Variants in SYNE2 observed in about 807,000 individuals in gnomAD.
SYNE2 encodes spectrin repeat containing nuclear envelope protein 2.
In SYNE2, 431 loss-of-function variants were observed where a neutral mutation model predicts 856.3. The ratio of observed to expected loss-of-function variants is 0.50; its 90% confidence interval spans 0.47 to 0.55. SYNE2 has a LOEUF of 0.55. SYNE2 is among the 20% of genes least tolerant of loss of function. SYNE2 has a pLI of 0.00. For missense variants in SYNE2, 8,129 were observed against 8,023.2 expected (o/e 1.01, Z -0.50); for synonymous variants, 2,923 against 2,872.3 (o/e 1.02, Z -0.56).
intron 33 of SYNE2, among the ~76,000 whole-genome samples, chr14:64,017,203 C>T (rs907912237): frequency 6.6e-6 from 1 of 151,634 alleles, no homozygotes; most frequent in Non-Finnish European, 1.5e-5. Context: ...GTGGTGCATG[C>T]CTGTAATCTC....
intron 1 of SYNE2, among the ~76,000 whole-genome samples, chr14:63,862,235 T>C (rs1418987939): frequency 6.6e-6 from 1 of 152,210 alleles, no homozygotes. Flanking sequence ...AAAACAACAG[T>C]TGGACACATG....
chr14:63,787,728 G>A (rs1336219475), intron 1 of SYNE2, among the ~76,000 whole-genome samples: 3 of 152,154 alleles, frequency 2.0e-5, no homozygotes, highest in Non-Finnish European at 4.4e-5. Context: ...TATGGACCTC[G>A]GAGAGGACAA....
intron 1 of SYNE2, among the ~76,000 whole-genome samples, chr14:63,905,627 T>A (rs539390341): frequency 9.8e-5 from 15 of 152,344 alleles, no homozygotes; most frequent in African/African-American, 3.1e-4. Flanking sequence ...GAAATGTTAC[T>A]AATTTTTGTA....
At chr14:63,942,188 T>A in intron 6 of SYNE2, 45 bp downstream of exon 6, 1 of 1,185,326 alleles carries the variant, frequency 8.4e-7, no homozygotes, top group Non-Finnish European at 1.3e-6. Context: ...CCTACCACAG[T>A]ATAAAATAAA....
chr14:64,213,356 T>G (rs916178678), intron 105 of SYNE2, among the ~76,000 whole-genome samples: 4 of 152,182 alleles, frequency 2.6e-5, no homozygotes, highest in Admixed American at 6.5e-5. Context: ...AGGAATGTAT[T>G]TGCCCTTCCC....
At chr14:64,153,848 GGAATT>G (rs2098265148) in intron 85 of SYNE2, among the ~76,000 whole-genome samples, 1 of 152,136 alleles carries the variant, frequency 6.6e-6, no homozygotes, top group African/African-American at 2.4e-5. Context: ...TACTTGGAAT[GGAATT>G]GAGAGTCCAG....
chr14:63,819,748 G>T (rs933980515), intron 1 of SYNE2, among the ~76,000 whole-genome samples: 1 of 151,974 alleles, frequency 6.6e-6, no homozygotes, highest in Non-Finnish European at 1.5e-5. Context: ...GTGTTAGCCA[G>T]GATGGTCTCG....
At chr14:63,765,791 C>A (rs1012254071) in intron 1 of SYNE2, among the ~76,000 whole-genome samples, 2 of 144,698 alleles carry the variant, frequency 1.4e-5, no homozygotes. Flanking sequence ...AGGATTGCTG[C>A]GAAACATTAA....
In SYNE2 at chr14:64,051,889, G is replaced by C. The variant is rs199561218; in HGVS notation, c.7976G>C (p.Arg2659Pro). The stretch of plus-strand genomic sequence containing the variant: ...TTAAGGCTGAAGTCTCCAGAAGAAC[G>C]GGCAGGGAACCAAAGCATGATTGCC... Reference protein sequence around the residue: ...LQLRLKSPEERAGNQSMIALT... With the variant: ...LQLRLKSPEEPAGNQSMIALT... Residue 2659 changes from arginine (R) to proline (P), a missense_variant, in exon 48 of 116, where the codon CGG (arginine) becomes CCG (proline). Arg to Pro is a moderately radical substitution (Grantham distance 103). Transcript: ENST00000555002. 33 of 1,613,882 alleles carry C rather than the reference G, an allele frequency of 2.0e-5. No homozygotes were observed. In the South Asian group the frequency reaches 3.5e-4, roughly 17 times the overall value.
At chr14:63,861,857 T>G (rs1893832282) in intron 1 of SYNE2, among the ~76,000 whole-genome samples, 1 of 152,240 alleles carries the variant, frequency 6.6e-6, no homozygotes, top group African/African-American at 2.4e-5. Context: ...GATACAGTTA[T>G]GTTTGACAGT....
chr14:64,192,858 A>G (rs1345532292), intron 99 of SYNE2, among the ~76,000 whole-genome samples: 3 of 152,184 alleles, frequency 2.0e-5, no homozygotes, highest in South Asian at 2.1e-4. Flanking sequence ...TCCCTTCAGC[A>G]CTAAGGAATT....
intron 1 of SYNE2, among the ~76,000 whole-genome samples, chr14:63,762,922 C>T (rs1886542472): frequency 6.6e-6 from 1 of 152,150 alleles, no homozygotes; most frequent in Non-Finnish European, 1.5e-5. Flanking sequence ...ATTTTCTTTA[C>T]TTTTTCTAAT....
intron 107 of SYNE2, 106 bp downstream of exon 107, chr14:64,215,460 C>A (rs2098661819): frequency 3.6e-6 from 4 of 1,105,460 alleles, no homozygotes; most frequent in Non-Finnish European, 5.5e-6. Flanking sequence ...CTGTGGACAC[C>A]ATGCGCCTTG....
chr14:64,186,057 G>T (rs948961466), intron 96 of SYNE2, among the ~76,000 whole-genome samples: 1 of 152,094 alleles, frequency 6.6e-6, no homozygotes, highest in Non-Finnish European at 1.5e-5. Flanking sequence ...CTGAAATGTA[G>T]TTTCAGGATT....
Position 64,081,318 on chromosome 14 carries a change from A to C in SYNE2, c.11347-125A>C. Reference sequence around the variant, plus strand: ...AGCAGGTGAATAAGTAGCCCCAGCCATGGGGAGCAGACATCTGCAAGGCCT... The same window carrying C: ...AGCAGGTGAATAAGTAGCCCCAGCCCTGGGGAGCAGACATCTGCAAGGCCT... On this transcript the variant is annotated intron_variant, in intron 56 of 115. Transcript: ENST00000555002. The C allele has an allele frequency of 2.6e-6, 3 of 1,169,206 alleles. No individual in the cohort carries two copies. The Admixed American group carries it at 5.3e-5, about 20-fold the overall frequency. 72.4% of individuals were successfully genotyped at this position (1,169,206 alleles called of 1,614,324 possible). A position where few individuals can be genotyped will look rare whatever the true frequency, so the allele number is the denominator to read the frequency against.
intron 67 of SYNE2, 62 bp from the exon 68 acceptor site, chr14:64,120,865 T>C (rs1045480445): frequency 1.3e-6 from 2 of 1,575,338 alleles, no homozygotes; most frequent in Non-Finnish European, 1.7e-6. Context: ...ATTATTAGAA[T>C]TGAGATAAAG....
intron 6 of SYNE2, among the ~76,000 whole-genome samples, chr14:63,944,824 C>CTTTTTTTTTTTTTTTTTTTTTTTTTTTTT (rs55906748): frequency 6.4e-5 from 3 of 46,932 alleles, no homozygotes; most frequent in African/African-American, 2.0e-4. Context: ...GGGCTTAAAG[C>CTTTTTTTTTTTTTTTTTTTTTTTTTTTTT]TTTTTTTTTT....
At chr14:64,116,175 AAGAAAG>A (rs2097852499) in intron 66 of SYNE2, among the ~76,000 whole-genome samples, 1 of 151,702 alleles carries the variant, frequency 6.6e-6, no homozygotes, top group Admixed American at 6.6e-5. Flanking sequence ...TGTCAAAAAA[AAGAAAG>A]AGAAAGGAAA....
At chr14:64,026,471 T>C (rs1387874825) in intron 41 of SYNE2, 108 bp from the exon 42 acceptor site, 1 of 857,080 alleles carries the variant, frequency 1.2e-6, no homozygotes, top group African/African-American at 1.7e-5. Context: ...TATGTTGAAA[T>C]ATACCCTACA....
Sources: gnomAD v4.1 joint callset for allele counts (sites outside exome capture counted in the v4.1 genomes callset) on GRCh38, gnomAD v4.1.1 for gene constraint, MANE v1.5 for transcripts, NCBI Gene and HGNC (gene_info 2026-07-23, HGNC 2026-07-21) for gene names.